ANK2: variants seen among roughly 807,000 people sequenced by gnomAD.
ANK2 encodes ankyrin 2, also known as ankyrin-2.
A neutral mutation model predicts 360.5 loss-of-function variants in ANK2; 83 were observed. The ratio of observed to expected loss-of-function variants is 0.23; its 90% confidence interval spans 0.19 to 0.28. ANK2 has a LOEUF of 0.28. Ranked by LOEUF, ANK2 falls within the 10% of genes least tolerant of loss-of-function variation. ANK2 has a pLI of 1.00. For missense variants in ANK2, 4,201 were observed against 4,795.7 expected (o/e 0.88, Z 3.66); for synonymous variants, 1,740 against 1,759.5 (o/e 0.99, Z 0.28).
At chr4:113,131,979 A>G (rs964309599) in intron 1 of ANK2, among the ~76,000 whole-genome samples, 1 of 152,208 alleles carries the variant, frequency 6.6e-6, no homozygotes, top group African/African-American at 2.4e-5. Flanking sequence ...GAGCTGAATT[A>G]TCATTTAATG....
At chr4:113,076,616 C>A (rs538154134) in intron 1 of ANK2, among the ~76,000 whole-genome samples, 1 of 151,888 alleles carries the variant, frequency 6.6e-6, no homozygotes, top group African/African-American at 2.4e-5. Context: ...GGAAGCATAA[C>A]GAAACCCTGT....
chr4:113,173,959 ATC>A (rs910173869), intron 1 of ANK2: 2 of 201,778 alleles, frequency 9.9e-6, no homozygotes, highest in Non-Finnish European at 1.0e-5. Flanking sequence ...TCTCAGAAGC[ATC>A]TGAAAACCAA....
At chr4:112,952,979 G>A (rs1207871278) in intron 2 of ANK2, among the ~76,000 whole-genome samples, 1 of 152,130 alleles carries the variant, frequency 6.6e-6, no homozygotes, top group Admixed American at 6.5e-5. Context: ...TACAGAAATT[G>A]TTGACAAAGT....
In ANK2 at chr4:113,292,419, G is replaced by C. The variant is rs774769455; in HGVS notation, c.2281G>C (p.Gly761Arg). Residue 761 changes from glycine (G) to arginine (R), a missense_variant, in exon 21 of 46, where the codon GGC becomes CGC. Physicochemically the swap from Gly to Arg is moderately radical, Grantham distance 125. Coordinates refer to ENST00000357077, the MANE Select transcript of ANK2 (RefSeq NM_001148.6). ...CCGCCACCACTGTCCTCCACAGAAC[G>C]GCTACACGCCTTTGCACCAGGCCGC... Reference protein sequence around the residue: ...GANVNAKTKNGYTPLHQAAQQ... With the variant: ...GANVNAKTKNRYTPLHQAAQQ... 2 of 1,609,284 alleles carry C rather than the reference G, an allele frequency of 1.2e-6. No individual in the cohort carries two copies. Among genetic ancestry groups the C allele is most frequent in the East Asian group, 2.2e-5 (1 of 44,624 alleles).
intron 2 of ANK2, among the ~76,000 whole-genome samples, chr4:112,926,974 A>G (rs901749261): frequency 6.6e-6 from 1 of 152,188 alleles, no homozygotes; most frequent in Non-Finnish European, 1.5e-5. Flanking sequence ...TCATGGCCAA[A>G]GGGGAAGCAA....
At chr4:112,900,048 A>G (rs2082847029) in intron 1 of ANK2, among the ~76,000 whole-genome samples, 1 of 152,130 alleles carries the variant, frequency 6.6e-6, no homozygotes. Flanking sequence ...TCAAATATGG[A>G]CCAAAGTAAG....
upstream of ANK2, chr4:113,049,510 C>T: frequency 1.2e-6 from 1 of 839,558 alleles, no homozygotes; most frequent in Non-Finnish European, 1.7e-6. Flanking sequence ...TAACCGGTTC[C>T]TGATGGTAAT....
At chr4:113,257,811 T>G (rs2050328231) in intron 11 of ANK2, among the ~76,000 whole-genome samples, 3 of 152,232 alleles carry the variant, frequency 2.0e-5, no homozygotes, top group Admixed American at 1.3e-4. Context: ...TTTTCTTCAC[T>G]TTTGTTTTCC....
intron 1 of ANK2, among the ~76,000 whole-genome samples, chr4:113,149,953 C>A (rs2096990403): frequency 6.8e-6 from 1 of 147,384 alleles, no homozygotes; most frequent in Admixed American, 6.8e-5. Context: ...AACTTACAAT[C>A]CAGTTTTAGA....
At chr4:112,886,364 A>T (rs1239328783) in intron 1 of ANK2, among the ~76,000 whole-genome samples, 1 of 152,104 alleles carries the variant, frequency 6.6e-6, no homozygotes, top group Non-Finnish European at 1.5e-5. Flanking sequence ...CCTAAGTCTA[A>T]GTTCAAGACA....
At chr4:112,850,448 T>TC (rs1292640769) in intron 1 of ANK2, among the ~76,000 whole-genome samples, 9 of 70,936 alleles carry the variant, frequency 1.3e-4, no homozygotes, top group South Asian at 4.9e-4. Context: ...TTCGTTTCTT[T>TC]TTTTTTTTTT....
intron 45 of ANK2, among the ~76,000 whole-genome samples, chr4:113,375,742 A>G (rs2154079397): frequency 6.6e-6 from 1 of 151,632 alleles, no homozygotes; most frequent in East Asian, 1.9e-4. Flanking sequence ...AAAAAGAAAA[A>G]AAAGAAAAAG....
intron 1 of ANK2, among the ~76,000 whole-genome samples, chr4:113,122,152 A>G (rs1335841898): frequency 6.6e-6 from 1 of 152,174 alleles, no homozygotes; most frequent in Non-Finnish European, 1.5e-5. Context: ...AAGTTGTGTT[A>G]TAAGAATGAG....
intron 42 of ANK2, 108 bp downstream of exon 42, chr4:113,367,959 C>G: frequency 1.5e-6 from 2 of 1,338,482 alleles, no homozygotes; most frequent in Non-Finnish European, 2.1e-6. Flanking sequence ...TTAAAATGAC[C>G]CTACCAAACA....
rs2063268349 is a variant in ANK2 at position 113,283,645 on chromosome 4, A to G, written c.2079+773A>G. On this transcript the variant is annotated intron_variant, in intron 18 of 45. Coordinates refer to ENST00000357077, the MANE Select transcript of ANK2 (RefSeq NM_001148.6). ...TATCCATCCATCTACATAAAGACCT[A>G]TAGATCCATCTATCTAACTTTCTAT... Among the ~76,000 whole-genome samples the G allele has an allele frequency of 1.3e-5, 2 of 152,214 alleles. 1 individual carries two copies. Among genetic ancestry groups the G allele is most frequent in the South Asian group, 4.1e-4 (2 of 4,832 alleles).
intron 18 of ANK2, among the ~76,000 whole-genome samples, chr4:113,285,140 G>GTT (rs140312322): frequency 6.7e-6 from 1 of 148,894 alleles, no homozygotes; most frequent in Admixed American, 6.7e-5. Context: ...TATTAGAAAA[G>GTT]TTTTTTTTTT....
At position 113,357,482 on chromosome 4, in the gene ANK2, A is replaced by G; in HGVS notation, c.8864A>G (p.His2955Arg). The change falls in exon 38 of 46, where the codon CAC becomes CGC. Residue 2955 changes from histidine (H) to arginine (R), a missense_variant. This residue lies in a region of ANK2 where 2,642 missense variants were observed against 2,714.5 expected (regional missense o/e 0.97). Transcript: ENST00000357077. The part of the protein sequence containing the change: ...QTDANHTTSF[H>R]SSEVYSVTIT... ...GATGCAAATCACACCACAAGTTTTC[A>G]CTCTTCTGAAGTGTATTCTGTTACC... 6.2e-7 allele frequency: 1 copy of G among 1,614,070 alleles called. No homozygotes were observed. Among genetic ancestry groups the G allele is most frequent in the Non-Finnish European group, 8.5e-7 (1 of 1,179,984 alleles).
chr4:112,959,270 A>G (rs1215425508), intron 2 of ANK2, among the ~76,000 whole-genome samples: 2 of 151,680 alleles, frequency 1.3e-5, no homozygotes, highest in Admixed American at 1.3e-4. Flanking sequence ...CTTGTTGGGG[A>G]AAAAAAAAGA....
At chr4:112,933,068 T>C (rs1295007074) in intron 2 of ANK2, among the ~76,000 whole-genome samples, 1 of 152,208 alleles carries the variant, frequency 6.6e-6, no homozygotes. Context: ...TGGGAATTAG[T>C]TGATATTAAG....
Sources: allele counts gnomAD v4.1 joint callset (sites outside exome capture counted in the v4.1 genomes callset), GRCh38; gene constraint gnomAD v4.1.1; regional missense constraint gnomAD v4.1.1; transcripts MANE v1.5; gene names NCBI Gene and HGNC (gene_info 2026-07-23, HGNC 2026-07-21).